The following SLC9A9 variants were observed in gnomAD, a reference collection of about 807,000 sequenced individuals.
SLC9A9 encodes sodium/hydrogen exchanger 9.
SLC9A9 carries 62 observed loss-of-function variants against 77.8 expected under a neutral mutation model. The ratio of observed to expected loss-of-function variants is 0.80; its 90% CI spans 0.65 to 0.98. The LOEUF (loss-of-function observed/expected upper bound fraction) is 0.98. Among genes scored for constraint, SLC9A9 ranks in the 50% least tolerant of loss-of-function variants. The pLI is 0.00. For synonymous variants in SLC9A9, 320 were observed against 283.5 expected (o/e 1.13, Z -1.29); for missense variants, 775 against 774.9 (o/e 1.00, Z 0.00).
intron 4 of SLC9A9, among the ~76,000 whole-genome samples, chr3:143,745,910 G>A (rs1472781940): frequency 6.6e-6 from 1 of 152,170 alleles, no homozygotes; most frequent in Non-Finnish European, 1.5e-5. Context: ...TTCTACAAGG[G>A]GGATACTGGA....
At chr3:143,609,247 T>A (rs114098021) in intron 6 of SLC9A9, among the ~76,000 whole-genome samples, 332 of 152,274 alleles carry the variant, frequency 2.2e-3, no homozygotes, top group African/African-American at 7.6e-3. Flanking sequence ...AAACATTAGA[T>A]GACTGCATCT....
At chr3:143,713,747 T>C (rs143024204) in intron 4 of SLC9A9, among the ~76,000 whole-genome samples, 2 of 152,164 alleles carry the variant, frequency 1.3e-5, no homozygotes, top group African/African-American at 4.8e-5. Context: ...CACATACAGG[T>C]GTACTTGAGG....
At chr3:143,500,504 G>T (rs992177989) in intron 9 of SLC9A9, among the ~76,000 whole-genome samples, 1 of 151,976 alleles carries the variant, frequency 6.6e-6, no homozygotes, top group African/African-American at 2.4e-5. Context: ...AGTTTAACCT[G>T]TTTTTATTTA....
rs1166224517 is a variant in SLC9A9 at position 143,687,063 on chromosome 3, C to T, written c.649+6129G>A. On this transcript the variant is annotated intron_variant, in intron 5 of 15. Coordinates refer to ENST00000316549, the MANE Select transcript of SLC9A9 (RefSeq NM_173653.4). ...GTGCTGATGATGACCTTTCCATCAT[C>T]AGCAAGATCTTCATCAGTAAGGAAA... is the stretch of plus-strand genomic sequence containing the variant. Among the ~76,000 whole-genome samples the T allele has an allele frequency of 4.6e-5, 7 of 152,058 alleles. No individual in the cohort carries two copies. In the East Asian group the frequency reaches 1.4e-3, roughly 29 times the overall value.
chr3:143,286,551 G>A (rs148376034), intron 14 of SLC9A9, among the ~76,000 whole-genome samples: 1 of 152,214 alleles, frequency 6.6e-6, no homozygotes, highest in Non-Finnish European at 1.5e-5. Context: ...CTTGTTTACT[G>A]CCTGGTGACA....
chr3:143,619,673 CAT>C (rs1442137660), intron 6 of SLC9A9, among the ~76,000 whole-genome samples: 1 of 152,200 alleles, frequency 6.6e-6, no homozygotes, highest in Non-Finnish European at 1.5e-5. Context: ...AACTAGCTCT[CAT>C]TAATCTCCAC....
chr3:143,705,052 GATAT>G (rs1933933406), intron 4 of SLC9A9, among the ~76,000 whole-genome samples: 1 of 37,392 alleles, frequency 2.7e-5, no homozygotes, highest in African/African-American at 6.8e-5. Context: ...TATAGATATA[GATAT>G]AGATATATAG....
chr3:143,727,005 A>T (rs1383198557), intron 4 of SLC9A9, among the ~76,000 whole-genome samples: 2 of 142,586 alleles, frequency 1.4e-5, no homozygotes, highest in African/African-American at 5.3e-5. Context: ...AGAGATCCCC[A>T]CCTCCACAAA....
chr3:143,801,091 A>G (rs953250319), intron 2 of SLC9A9, among the ~76,000 whole-genome samples: 3 of 152,136 alleles, frequency 2.0e-5, no homozygotes, highest in Admixed American at 6.5e-5. Flanking sequence ...CATAGATCCT[A>G]AATCCTTTCC....
intron 5 of SLC9A9, among the ~76,000 whole-genome samples, chr3:143,685,004 C>CATG (rs1560030388): frequency 6.6e-6 from 1 of 151,940 alleles, no homozygotes; most frequent in East Asian, 1.9e-4. Flanking sequence ...TACAGTATTT[C>CATG]TATTAAGGGT....
In SLC9A9 at chr3:143,700,135, C is replaced by A. The variant is rs961799422; in HGVS notation, c.534-6828G>T. Reference sequence around the variant, plus strand: ...GGGAAGGGCACAGTACTGGCAGGACCCATCATCTGCTGACCAAAGAGCCCT... The same window carrying A: ...GGGAAGGGCACAGTACTGGCAGGACACATCATCTGCTGACCAAAGAGCCCT... On this transcript the variant is annotated intron_variant, in intron 4 of 15. Transcript: ENST00000316549. Among the ~76,000 whole-genome samples the A allele has an allele frequency of 4.6e-5, 7 of 151,640 alleles. 1 individual carries two copies. The highest frequency in any genetic ancestry group is 6.6e-5 in the Admixed American group (1 of 15,218).
chr3:143,675,576 G>A (rs56891906), intron 5 of SLC9A9, among the ~76,000 whole-genome samples: 34,783 of 152,094 alleles, frequency 0.23, 4,952 homozygotes, highest in South Asian at 0.42. Context: ...GCAGAGATGT[G>A]TGACTTACAT....
At chr3:143,399,192 T>A (rs2033796162) in intron 12 of SLC9A9, among the ~76,000 whole-genome samples, 1 of 152,122 alleles carries the variant, frequency 6.6e-6, no homozygotes, top group African/African-American at 2.4e-5. Flanking sequence ...AAAAGGAAAG[T>A]TGACAGAAAG....
intron 12 of SLC9A9, among the ~76,000 whole-genome samples, chr3:143,393,062 C>A (rs2033610493): frequency 6.6e-6 from 1 of 152,110 alleles, no homozygotes; most frequent in Non-Finnish European, 1.5e-5. Flanking sequence ...CAAGGATATC[C>A]AGGAATTGAA....
chr3:143,412,891 G>A (rs1040258893), intron 12 of SLC9A9, among the ~76,000 whole-genome samples: 1 of 152,132 alleles, frequency 6.6e-6, no homozygotes, highest in Non-Finnish European at 1.5e-5. Flanking sequence ...ATTGACAATG[G>A]CAAGCAGTTA....
intron 4 of SLC9A9, among the ~76,000 whole-genome samples, chr3:143,709,963 T>C (rs1934095177): frequency 6.6e-6 from 1 of 152,178 alleles, no homozygotes; most frequent in Admixed American, 6.5e-5. Flanking sequence ...TCATCACAGG[T>C]TTTGCTCAGC....
At chr3:143,277,233 C>T (rs1323929882) in intron 14 of SLC9A9, among the ~76,000 whole-genome samples, 1 of 152,238 alleles carries the variant, frequency 6.6e-6, no homozygotes, top group African/African-American at 2.4e-5. Context: ...CCTGAGAGTT[C>T]ATCTGATCTA....
chr3:143,516,162 G>A (rs72991992), intron 9 of SLC9A9, among the ~76,000 whole-genome samples: 1 of 152,060 alleles, frequency 6.6e-6, no homozygotes, highest in South Asian at 2.1e-4. Flanking sequence ...TGCATAAACT[G>A]TACACGACAT....
intron 14 of SLC9A9, among the ~76,000 whole-genome samples, chr3:143,333,879 T>G (rs1243198512): frequency 2.0e-5 from 3 of 150,494 alleles, no homozygotes; most frequent in East Asian, 1.9e-4. Context: ...CCAGTTGTTT[T>G]TTGTGGAGCC....
Sources: allele counts gnomAD v4.1 joint callset (sites outside exome capture counted in the v4.1 genomes callset), GRCh38; gene constraint gnomAD v4.1.1; transcripts MANE v1.5; gene names NCBI Gene and HGNC (gene_info 2026-07-23, HGNC 2026-07-21).